The following CLDN2 variants were observed in gnomAD, a reference collection of about 807,000 sequenced individuals.
CLDN2 encodes the protein claudin-2.
CLDN2 carries 1 observed loss-of-function variant against 8.2 expected under a neutral mutation model. That is an observed-to-expected ratio of 0.12 (90% CI 0.04 to 0.58). The LOEUF (loss-of-function observed/expected upper bound fraction) is 0.58, where lower values mean the gene tolerates loss of function less well. CLDN2 is among the 20% of genes least tolerant of loss of function. CLDN2 has a pLI of 0.90. For synonymous variants in CLDN2, 70 were observed against 70.2 expected, an observed-to-expected ratio of 1.00 and a Z score of 0.01; for missense variants, 108 against 172.9, an observed-to-expected ratio of 0.62 and a Z score of 2.11.
intron 1 of CLDN2, chrX:106,900,908 C>T: frequency 1.7e-6 from 2 of 1,208,004 alleles, no homozygotes; most frequent in Non-Finnish European, 2.2e-6. Flanking sequence ...GCCAGAAGAG[C>T]CTGTGGACAG....
At chrX:106,916,595 A>G (rs923051920), upstream of CLDN2, among the ~76,000 whole-genome samples, 1 of 111,473 alleles carries the variant, frequency 9.0e-6, no homozygotes, top group African/African-American at 3.3e-5. Flanking sequence ...AAAAAGCTAA[A>G]TTTTGGAGGT....
chrX:106,920,459 C>T lies in CLDN2; in HGVS notation c.-271C>T, dbSNP rs747399458. 1 of 110,989 alleles carries T rather than the reference C, an allele frequency of 9.0e-6. No homozygotes were observed. Among genetic ancestry groups the T allele is most frequent in the Admixed American group, 9.5e-5 (1 of 10,483 alleles). 9.1% of individuals were successfully genotyped at this position (110,989 alleles called of 1,213,427 possible). ...TTAGAAATCCTTTATCACCTCAGCC[C>T]GTGGCCCCTTGTACTTCGCTCCCCT... On this transcript the variant is annotated 5_prime_UTR_variant, in exon 1 of 2. Transcript: ENST00000336803.
At chrX:106,908,517 G>T (rs1346617038) in intron 1 of CLDN2, among the ~76,000 whole-genome samples, 1 of 109,894 alleles carries the variant, frequency 9.1e-6, no homozygotes, top group East Asian at 2.9e-4. Flanking sequence ...CTGGAGGGAA[G>T]GCTCAGGGTC....
rs140112362 is a variant in CLDN2, at chrX:106,910,967, T to C, written c.-179+10463T>C. On this transcript the variant is annotated intron_variant, in intron 1 of 1. Transcript: ENST00000541806. The stretch of plus-strand genomic sequence containing the variant: ...AGTGAAGACTGAAAGAAATAGTGCA[T>C]GGATTTTGCTTAAAACCTGACATGT... 5.0e-3 allele frequency among the ~76,000 whole-genome samples: 557 copies of C among 112,336 alleles called. 3 individuals are homozygous for C. Among genetic ancestry groups the C allele is most frequent in the Non-Finnish European group, 8.0e-3 (425 of 53,289 alleles).
rs953547130 is a variant in CLDN2 at position 106,901,269 on chromosome X, A to G, written c.-179+765A>G. Reference sequence around the variant, plus strand: ...TATTTCACTGACCCATCCATGGGGGATCATTCTTGGGCATCGTTAACAATG... The same window carrying G: ...TATTTCACTGACCCATCCATGGGGGGTCATTCTTGGGCATCGTTAACAATG... On this transcript the variant is annotated intron_variant, in intron 1 of 1. Transcript: ENST00000541806. 4.5e-5 allele frequency among the ~76,000 whole-genome samples: 5 copies of G among 111,960 alleles called. No homozygotes were observed. In the South Asian group the frequency reaches 1.9e-3, roughly 43 times the overall value.
In CLDN2 at chrX:106,930,166, G is replaced by C. The variant is rs987916679; in HGVS notation, c.*1245G>C. The C allele has an allele frequency of 8.1e-6, 1 of 122,878 alleles. No homozygotes were observed. Among genetic ancestry groups the C allele is most frequent in the Non-Finnish European group, 1.9e-5 (1 of 53,269 alleles). 10.1% of individuals were successfully genotyped at this position (122,878 alleles called of 1,213,427 possible). A position where few individuals can be genotyped will look rare whatever the true frequency, so the allele number is the denominator to read the frequency against. On this transcript the variant is annotated 3_prime_UTR_variant, in exon 2 of 2. Coordinates refer to ENST00000336803, the MANE Select transcript of CLDN2 (RefSeq NM_020384.4). ...CCTTCAGATTCCCCCACTGTCCATC[G>C]GAAGATGCTCCAGAGTGGCTAGAGG...
rs755046166 is a variant in CLDN2 at position 106,905,177 on chromosome X, G to A, written c.-179+4673G>A. On this transcript the variant is annotated intron_variant, in intron 1 of 1. Transcript: ENST00000541806. ...TACACTTGTTCTGGGTGACTTCAAA[G>A]GGCAGGGCTGAGGCCCATGGCTGGA... Among the ~76,000 whole-genome samples the A allele has an allele frequency of 3.6e-5, 4 of 112,554 alleles. No individual in the cohort carries two copies. The South Asian group carries it at 1.5e-3, about 42-fold the overall frequency.
At chrX:106,908,155 A>G (rs1933203836) in intron 1 of CLDN2, among the ~76,000 whole-genome samples, 1 of 111,525 alleles carries the variant, frequency 9.0e-6, no homozygotes, top group Admixed American at 9.6e-5. Context: ...TGTTTCTTAA[A>G]TTATGGCCTC....
At chrX:106,919,928 C>T (rs1364218989), upstream of CLDN2, among the ~76,000 whole-genome samples, 1 of 112,484 alleles carries the variant, frequency 8.9e-6, no homozygotes. Flanking sequence ...ACCTACAGTA[C>T]CCATGTTTGC....
At chrX:106,911,380 A>G (rs1280600161) in intron 1 of CLDN2, among the ~76,000 whole-genome samples, 1 of 111,341 alleles carries the variant, frequency 9.0e-6, no homozygotes, top group African/African-American at 3.3e-5. Flanking sequence ...AGGCATTTAC[A>G]TGTTTTCCCT....
chrX:106,924,917 C>T (rs904000198), intron 1 of CLDN2, among the ~76,000 whole-genome samples: 1 of 108,725 alleles, frequency 9.2e-6, no homozygotes, highest in Non-Finnish European at 1.9e-5. Flanking sequence ...TCATATGGAG[C>T]CCCTCAAACC....
intron 1 of CLDN2, among the ~76,000 whole-genome samples, chrX:106,927,050 T>G (rs1367560154): frequency 2.7e-5 from 3 of 111,353 alleles, no homozygotes; most frequent in Non-Finnish European, 3.8e-5. Flanking sequence ...GCCACTGCAC[T>G]CCAGCCTGGG....
intron 1 of CLDN2, chrX:106,902,986 T>G: frequency 1.7e-6 from 1 of 600,985 alleles, no homozygotes; most frequent in Non-Finnish European, 2.6e-6. Flanking sequence ...GATGAGATAT[T>G]CCAGCTAGAG....
At position 106,902,262 on chromosome X, in the gene CLDN2, G is replaced by A. The variant is rs1423454847; in HGVS notation, c.-179+1758G>A. On this transcript the variant is annotated intron_variant, in intron 1 of 1. Coordinates refer to the CLDN2 transcript ENST00000541806. ...AATCCGTAGAGGAAGAGACTGAAAG[G>A]TGGGCTCCCTGAGATAACAAGAGAC... The A allele has an allele frequency of 6.7e-6, 7 of 1,052,452 alleles. No individual in the cohort carries two copies. The Admixed American group carries it at 7.9e-5, about 12-fold the overall frequency. The allele number at this position is 1,052,452 out of a possible 1,213,427, so 86.7% of individuals were successfully genotyped here.
chrX:106,905,462 A>T (rs990635409), intron 1 of CLDN2, among the ~76,000 whole-genome samples: 1 of 111,952 alleles, frequency 8.9e-6, no homozygotes, highest in Non-Finnish European at 1.9e-5. Flanking sequence ...GAGCCAGAGC[A>T]TCTATCAGTC....
chrX:106,900,997 C>T, intron 1 of CLDN2: 1 of 1,110,109 alleles, frequency 9.0e-7, no homozygotes, highest in Non-Finnish European at 1.2e-6. Flanking sequence ...CCCCTAAACC[C>T]CTTCTCTTGG....
At chrX:106,924,350 C>G (rs1356057679) in intron 1 of CLDN2, among the ~76,000 whole-genome samples, 1 of 110,608 alleles carries the variant, frequency 9.0e-6, no homozygotes, top group Non-Finnish European at 1.9e-5. Flanking sequence ...AGGGTGCTTA[C>G]CAGGGAGAAG....
intron 1 of CLDN2, among the ~76,000 whole-genome samples, chrX:106,902,664 G>A (rs778939417): frequency 8.9e-6 from 1 of 112,260 alleles, no homozygotes; most frequent in Non-Finnish European, 1.9e-5. Flanking sequence ...GGCCAGAAAT[G>A]TTCCTGGGTC....
At chrX:106,903,144 A>C in intron 1 of CLDN2, 1 of 1,210,919 alleles carries the variant, frequency 8.3e-7, no homozygotes, top group Non-Finnish European at 1.1e-6. Flanking sequence ...TTTCACTCCC[A>C]TTTACTTCTT....
Sources: allele counts gnomAD v4.1 joint callset (sites outside exome capture counted in the v4.1 genomes callset), GRCh38; gene constraint gnomAD v4.1.1; transcripts MANE v1.5; gene names NCBI Gene and HGNC (gene_info 2026-07-23, HGNC 2026-07-21).